Variants in CTDP1 observed in about 807,000 individuals in gnomAD.
The protein encoded by CTDP1 is RNA polymerase II subunit A C-terminal domain phosphatase.
Under a neutral mutation model 91.8 loss-of-function variants are expected in CTDP1, and 47 were observed. The ratio of observed to expected loss-of-function variants is 0.51; its 90% CI spans 0.41 to 0.65. The LOEUF is 0.65. Ranked by LOEUF, CTDP1 falls within the 30% of genes least tolerant of loss-of-function variation. The pLI is 0.00. For missense variants in CTDP1, 1,272 were observed against 1,373.7 expected (o/e 0.93, Z 1.17); for synonymous variants, 656 against 598.5 (o/e 1.10, Z -1.40).
chr18:79,717,101 G>C (rs1310105046), intron 8 of CTDP1, among the ~76,000 whole-genome samples: 1 of 150,548 alleles, frequency 6.6e-6, no homozygotes, highest in African/African-American at 2.4e-5. Context: ...GGCTGCAGCC[G>C]AGTGAGGGCC....
In CTDP1 at chr18:79,715,047, G is replaced by A. The variant is rs1260038735; in HGVS notation, c.1587G>A (p.Glu529=). 7 of 1,609,734 alleles carry A rather than the reference G, an allele frequency of 4.3e-6. No individual in the cohort carries two copies. In the Admixed American group the frequency reaches 1.0e-4, roughly 23 times the overall value. ...PGAHAPDKEP[E]LGGQEEGERD... ...CGCATGCCCCGGACAAGGAGCCTGAGCTGGGTGGGCAGGAGGAGGGCGAGC... is the reference window on the plus strand; with the variant it reads ...CGCATGCCCCGGACAAGGAGCCTGAACTGGGTGGGCAGGAGGAGGGCGAGC... Residue 529 remains glutamate (E), a synonymous_variant, in exon 8 of 13, where the codon GAG becomes GAA. Coordinates refer to ENST00000613122, the MANE Select transcript of CTDP1 (RefSeq NM_004715.5).
rs1298275086 is a variant in CTDP1, at chr18:79,717,845, G to A, written c.2246G>A (p.Gly749Asp). Reference sequence around the variant, plus strand: ...CCTGCGGCCTTTCCCGACCGGGAGGGTGTGCCCCCCACCGCCTTGTTCCAC... The same window carrying A: ...CCTGCGGCCTTTCCCGACCGGGAGGATGTGCCCCCCACCGCCTTGTTCCAC... ...NSPAAFPDRE[G>D]VPPTALFHPM... Residue 749 changes from glycine (G) to aspartate (D), a missense_variant, in exon 10 of 13, where the codon GGT becomes GAT. Physicochemically the swap from Gly to Asp is moderately conservative, Grantham distance 94 (BLOSUM62 -1). Transcript: ENST00000613122. 6.2e-7 allele frequency: 1 copy of A among 1,613,660 alleles called. No homozygotes were observed. The highest frequency in any genetic ancestry group is 1.7e-5 in the Admixed American group (1 of 60,022).
chr18:79,727,160 G>T (rs1390729603), intron 10 of CTDP1, among the ~76,000 whole-genome samples: 1 of 152,206 alleles, frequency 6.6e-6, no homozygotes, highest in Non-Finnish European at 1.5e-5. Context: ...CCCCAGAGGT[G>T]GGGTGTTTGG....
At chr18:79,689,113 C>T (rs2085568386) in intron 1 of CTDP1, among the ~76,000 whole-genome samples, 1 of 152,160 alleles carries the variant, frequency 6.6e-6, no homozygotes, top group Non-Finnish European at 1.5e-5. Flanking sequence ...CAAAAGCAAG[C>T]CCTGGACCCC....
intron 1 of CTDP1, among the ~76,000 whole-genome samples, chr18:79,687,846 T>C (rs1368428951): frequency 6.6e-6 from 1 of 152,174 alleles, no homozygotes; most frequent in Admixed American, 6.5e-5. Context: ...TGCAGGTCTG[T>C]TTACCCAGCA....
At chr18:79,749,967 A>G (rs1044462071) in intron 12 of CTDP1, 5 of 152,276 alleles carry the variant, frequency 3.3e-5, no homozygotes, top group African/African-American at 1.2e-4. Context: ...CGTTAGTGTC[A>G]GCAGAGACTG....
intron 12 of CTDP1, among the ~76,000 whole-genome samples, chr18:79,737,534 C>T (rs113507368): frequency 0.022 from 3,296 of 152,180 alleles, 89 homozygotes; most frequent in South Asian, 0.15. Context: ...GTGCTGCTGT[C>T]GAATGGTGGG....
At chr18:79,737,619 G>C (rs2086693608) in intron 12 of CTDP1, among the ~76,000 whole-genome samples, 1 of 152,102 alleles carries the variant, frequency 6.6e-6, no homozygotes, top group Non-Finnish European at 1.5e-5. Context: ...GGTGTGGAGA[G>C]GTCCCCGTCC....
At chr18:79,745,319 G>A (rs2086862080) in intron 12 of CTDP1, among the ~76,000 whole-genome samples, 1 of 111,656 alleles carries the variant, frequency 9.0e-6, no homozygotes, top group Non-Finnish European at 1.8e-5. Context: ...TTCTGTCCCT[G>A]CGTCCCTCCC....
chr18:79,714,570 A>C lies in CTDP1; in HGVS notation c.1110A>C (p.Gly370=), dbSNP rs1442727644. The C allele has an allele frequency of 5.0e-5, 80 of 1,612,930 alleles. No individual in the cohort carries two copies. Among genetic ancestry groups the C allele is most frequent in the Non-Finnish European group, 6.4e-5 (76 of 1,180,016 alleles). ...RDPEGVTQAP[G]VEPSNGLEKP... ...CTGAGGGGGTAACGCAGGCCCCTGGAGTGGAGCCCAGCAATGGCCTGGAGA... is the reference window on the plus strand; with the variant it reads ...CTGAGGGGGTAACGCAGGCCCCTGGCGTGGAGCCCAGCAATGGCCTGGAGA... The change falls in exon 8 of 13, where the codon GGA becomes GGC. Residue 370 remains glycine, a synonymous_variant. Coordinates refer to ENST00000613122, the MANE Select transcript of CTDP1 (RefSeq NM_004715.5).
chr18:79,723,643 G>A (rs1254972928), intron 10 of CTDP1, among the ~76,000 whole-genome samples: 1 of 152,176 alleles, frequency 6.6e-6, no homozygotes, highest in Non-Finnish European at 1.5e-5. Context: ...GAGGCCCTTT[G>A]GACCCTTTAT....
In CTDP1 at chr18:79,736,837, T is replaced by C. The variant is rs528379124; in HGVS notation, c.2747+316T>C. Among the ~76,000 whole-genome samples, 734 of 147,036 alleles carry C rather than the reference T, an allele frequency of 5.0e-3. 4 individuals are homozygous for C. The highest frequency in any genetic ancestry group is 0.017 in the African/African-American group (680 of 39,768). On this transcript the variant is annotated intron_variant, in intron 12 of 12. Coordinates refer to ENST00000613122, the MANE Select transcript of CTDP1 (RefSeq NM_004715.5). Reference sequence around the variant, plus strand: ...GGGGGTATGCACGTGTGCGCAGGCATGTGTGAGGTGTCTACAGGCGTGTGT... The same window carrying C: ...GGGGGTATGCACGTGTGCGCAGGCACGTGTGAGGTGTCTACAGGCGTGTGT...
At chr18:79,738,556 C>CAG (rs1232715570) in intron 12 of CTDP1, among the ~76,000 whole-genome samples, 1 of 152,250 alleles carries the variant, frequency 6.6e-6, no homozygotes, top group East Asian at 1.9e-4. Flanking sequence ...GAAGACAGTG[C>CAG]AGACTGCTTT....
At chr18:79,679,105 C>G (rs529755601), upstream of CTDP1, 27 of 284,132 alleles carry the variant, frequency 9.5e-5, no homozygotes, top group South Asian at 7.5e-4. Context: ...CGCGCCGGTG[C>G]CCGCCCTCCC....
At chr18:79,708,212 A>C (rs960830021) in intron 5 of CTDP1, among the ~76,000 whole-genome samples, 1 of 152,244 alleles carries the variant, frequency 6.6e-6, no homozygotes, top group South Asian at 2.1e-4. Context: ...TACGGATCCC[A>C]CAGTGCATTG....
chr18:79,725,812 A>G (rs759664865), intron 10 of CTDP1, among the ~76,000 whole-genome samples: 10 of 150,980 alleles, frequency 6.6e-5, no homozygotes, highest in Non-Finnish European at 1.3e-4. Flanking sequence ...CTCTGGGTTG[A>G]TCTTCCTTTT....
intron 12 of CTDP1, among the ~76,000 whole-genome samples, chr18:79,741,394 G>A (rs3859322): frequency 0.046 from 7,020 of 152,294 alleles, 279 homozygotes; most frequent in South Asian, 0.16. Context: ...TAGAGTTCGC[G>A]GAGAAGTGAA....
At chr18:79,743,495 C>T (rs936145656) in intron 12 of CTDP1, among the ~76,000 whole-genome samples, 1 of 146,684 alleles carries the variant, frequency 6.8e-6, no homozygotes, top group African/African-American at 2.5e-5. Context: ...CACTACACTC[C>T]ACCCTGGACA....
chr18:79,740,905 C>T (rs947816080), intron 12 of CTDP1, among the ~76,000 whole-genome samples: 3 of 152,234 alleles, frequency 2.0e-5, no homozygotes, highest in Non-Finnish European at 2.9e-5. Flanking sequence ...ACAGACACAT[C>T]GTCCCAACAC....
Sources: allele counts gnomAD v4.1 joint callset (sites outside exome capture counted in the v4.1 genomes callset), GRCh38; gene constraint gnomAD v4.1.1; transcripts MANE v1.5; gene names NCBI Gene and HGNC (gene_info 2026-07-23, HGNC 2026-07-21).